CNTNAP2: variants seen among roughly 807,000 people sequenced by gnomAD.
CNTNAP2 encodes contactin associated protein 2, also known as contactin-associated protein-like 2.
In CNTNAP2, 98 loss-of-function variants were observed where a neutral mutation model predicts 155.2. The observed-to-expected ratio is 0.63, with a 90% CI of 0.54 to 0.75. The LOEUF (loss-of-function observed/expected upper bound fraction) is 0.75, where lower values mean the gene tolerates loss of function less well. CNTNAP2 is among the 30% of genes least tolerant of loss of function. CNTNAP2 has a pLI of 0.00. For synonymous variants in CNTNAP2, 651 were observed against 631.2 expected (o/e 1.03, Z -0.47); for missense variants, 1,727 against 1,688.1 (o/e 1.02, Z -0.40).
chr7:147,077,055 C>T (rs1460449212), intron 4 of CNTNAP2, among the ~76,000 whole-genome samples: 3 of 152,080 alleles, frequency 2.0e-5, no homozygotes, highest in African/African-American at 7.2e-5. Context: ...AATTGAATTA[C>T]TTAGAAAATA....
chr7:148,382,649 C>T (rs1637846), intron 21 of CNTNAP2, among the ~76,000 whole-genome samples: 107,824 of 152,060 alleles, frequency 0.71, 39,331 homozygotes, highest in Admixed American at 0.8. Context: ...GCCTCAGCGC[C>T]GGGGCAAAAG....
intron 13 of CNTNAP2, among the ~76,000 whole-genome samples, chr7:147,840,764 T>A (rs904609558): frequency 2.6e-5 from 4 of 152,058 alleles, no homozygotes; most frequent in Admixed American, 6.6e-5. Context: ...AAAGGGAAGA[T>A]AGAAAGGTAC....
At chr7:147,315,458 A>C (rs575409169) in intron 9 of CNTNAP2, among the ~76,000 whole-genome samples, 1 of 144,810 alleles carries the variant, frequency 6.9e-6, no homozygotes, top group African/African-American at 2.5e-5. Context: ...TCCTGTCTCT[A>C]TGGATTTGTT....
intron 10 of CNTNAP2, among the ~76,000 whole-genome samples, chr7:147,454,573 G>T (rs1584957285): frequency 6.6e-6 from 1 of 151,956 alleles, no homozygotes; most frequent in Admixed American, 6.6e-5. Flanking sequence ...TAACTTCAAG[G>T]ATACAATAAA....
chr7:147,853,849 T>G (rs74798213), intron 13 of CNTNAP2, among the ~76,000 whole-genome samples: 6,747 of 152,336 alleles, frequency 0.044, 272 homozygotes, highest in Admixed American at 0.12. Context: ...TCAAAACATT[T>G]TTAAGCATGT....
intron 3 of CNTNAP2, among the ~76,000 whole-genome samples, chr7:147,011,663 A>G (rs1430899270): frequency 6.6e-6 from 1 of 152,078 alleles, no homozygotes; most frequent in Non-Finnish European, 1.5e-5. Context: ...GAGACAAGCC[A>G]TGGAAACTAG....
At chr7:146,127,415 A>T (rs1797652568) in intron 1 of CNTNAP2, among the ~76,000 whole-genome samples, 1 of 152,198 alleles carries the variant, frequency 6.6e-6, no homozygotes, top group South Asian at 2.1e-4. Context: ...CAATTATCTG[A>T]TATTAAAGTG....
At chr7:146,677,955 C>A (rs1474453139) in intron 1 of CNTNAP2, among the ~76,000 whole-genome samples, 1 of 152,016 alleles carries the variant, frequency 6.6e-6, no homozygotes, top group Non-Finnish European at 1.5e-5. Flanking sequence ...GGCCTGCATA[C>A]CTCGCATAGT....
At chr7:147,670,323 C>T (rs966716191) in intron 13 of CNTNAP2, among the ~76,000 whole-genome samples, 2 of 152,130 alleles carry the variant, frequency 1.3e-5, no homozygotes, top group African/African-American at 2.4e-5. Context: ...ATGCCCTGGA[C>T]GTTCTCCTTC....
At chr7:148,415,282 T>C (rs1799954876) in intron 23 of CNTNAP2, 135 bp from the exon 24 acceptor site, 1 of 906,738 alleles carries the variant, frequency 1.1e-6, no homozygotes, top group Non-Finnish European at 1.7e-6. Context: ...TTCATTTTTG[T>C]TATCTTTGTT....
At chr7:147,335,862 A>G (rs1795655614) in intron 9 of CNTNAP2, among the ~76,000 whole-genome samples, 1 of 130,636 alleles carries the variant, frequency 7.7e-6, no homozygotes, top group African/African-American at 2.7e-5. Context: ...TTGCTGTACA[A>G]ATGTGATGTG....
At chr7:147,339,347 A>C (rs1164273545) in intron 9 of CNTNAP2, among the ~76,000 whole-genome samples, 1 of 152,088 alleles carries the variant, frequency 6.6e-6, no homozygotes, top group Non-Finnish European at 1.5e-5. Flanking sequence ...GGAATGGATT[A>C]GTTCCCATAA....
chr7:148,311,963 G>A (rs1001982556), intron 21 of CNTNAP2, among the ~76,000 whole-genome samples: 3 of 152,192 alleles, frequency 2.0e-5, no homozygotes, highest in Non-Finnish European at 1.5e-5. Context: ...GGTAATTGTG[G>A]GAGATTCAAC....
At chr7:146,635,264 A>C (rs1585017215) in intron 1 of CNTNAP2, among the ~76,000 whole-genome samples, 1 of 152,298 alleles carries the variant, frequency 6.6e-6, no homozygotes, top group East Asian at 1.9e-4. Flanking sequence ...AACTTAATGG[A>C]AGATTCCATA....
At chr7:146,358,728 A>C (rs1795039954) in intron 1 of CNTNAP2, among the ~76,000 whole-genome samples, 1 of 152,204 alleles carries the variant, frequency 6.6e-6, no homozygotes, top group Admixed American at 6.5e-5. Context: ...AACAACTTAA[A>C]GCAGTCTAAA....
rs7782809 is a variant in CNTNAP2 at position 147,552,094 on chromosome 7, T to G, written c.1778-10044T>G. On this transcript the variant is annotated intron_variant, in intron 11 of 23. Coordinates refer to ENST00000361727, the MANE Select transcript of CNTNAP2 (RefSeq NM_014141.6). Reference sequence around the variant, plus strand: ...ATGGACTGTAAGTTACAGAACCAAGTCACAAAAAGGAGTTCTGATTCTTGA... The same window carrying G: ...ATGGACTGTAAGTTACAGAACCAAGGCACAAAAAGGAGTTCTGATTCTTGA... Among the ~76,000 whole-genome samples the G allele has an allele frequency of 6.5e-3, 988 of 152,244 alleles. 13 individuals are homozygous for G. The highest frequency in any genetic ancestry group is 0.022 in the African/African-American group (929 of 41,546).
At chr7:146,926,024 G>A (rs988523207) in intron 3 of CNTNAP2, among the ~76,000 whole-genome samples, 1 of 151,874 alleles carries the variant, frequency 6.6e-6, no homozygotes, top group African/African-American at 2.4e-5. Context: ...TATTCAATTT[G>A]AAAGTATGCT....
intron 3 of CNTNAP2, among the ~76,000 whole-genome samples, chr7:146,983,694 C>T (rs1185308524): frequency 3.3e-5 from 5 of 152,154 alleles, no homozygotes; most frequent in African/African-American, 9.7e-5. Context: ...AAGTGTGCTG[C>T]ATTCTCCTGT....
chr7:147,005,707 C>G (rs1798512565), intron 3 of CNTNAP2, among the ~76,000 whole-genome samples: 1 of 152,072 alleles, frequency 6.6e-6, no homozygotes, highest in Non-Finnish European at 1.5e-5. Context: ...AAAAGAGTCT[C>G]TGGTGATTTA....
Sources: gnomAD v4.1 joint callset for allele counts (sites outside exome capture counted in the v4.1 genomes callset) on GRCh38, gnomAD v4.1.1 for gene constraint, MANE v1.5 for transcripts, NCBI Gene and HGNC (gene_info 2026-07-23, HGNC 2026-07-21) for gene names.